The following RAPGEF2 variants were observed in gnomAD, a reference collection of about 807,000 sequenced individuals.
RAPGEF2 encodes PDZ domain containing guanine nucleotide exchange factor (GEF) 1.
RAPGEF2 carries 54 observed loss-of-function variants against 186.7 expected under a neutral mutation model. The observed-to-expected ratio is 0.29, with a 90% CI of 0.23 to 0.36. The LOEUF (loss-of-function observed/expected upper bound fraction) is 0.36, where lower values mean the gene tolerates loss of function less well. Among genes scored for constraint, RAPGEF2 ranks in the 10% least tolerant of loss-of-function variants. The pLI is 1.00. For synonymous variants in RAPGEF2, 712 were observed against 705.9 expected, an observed-to-expected ratio of 1.01 and a Z score of -0.14; for missense variants, 1,532 against 2,045.0, an observed-to-expected ratio of 0.75 and a Z score of 4.84.
chr4:159,286,560 C>T (rs1760527136), intron 7 of RAPGEF2, among the ~76,000 whole-genome samples: 1 of 152,192 alleles, frequency 6.6e-6, no homozygotes, highest in Non-Finnish European at 1.5e-5. Flanking sequence ...TGAATCTCCA[C>T]TCCCTGGAGA....
At chr4:159,113,165 C>T (rs1473540296) in intron 1 of RAPGEF2, among the ~76,000 whole-genome samples, 1 of 152,038 alleles carries the variant, frequency 6.6e-6, no homozygotes, top group Non-Finnish European at 1.5e-5. Flanking sequence ...CATGTGATAA[C>T]CAAATGTAAT....
chr4:159,261,342 G>C (rs11724890), intron 7 of RAPGEF2, among the ~76,000 whole-genome samples: 1 of 152,018 alleles, frequency 6.6e-6, no homozygotes, highest in African/African-American at 2.4e-5. Flanking sequence ...GATTACGGGC[G>C]TGAGCCACCG....
intron 4 of RAPGEF2, among the ~76,000 whole-genome samples, chr4:159,232,920 G>C (rs1752803237): frequency 6.6e-6 from 1 of 152,138 alleles, no homozygotes; most frequent in African/African-American, 2.4e-5. Context: ...AATGACTCAA[G>C]ATGCTGAGAA....
chr4:159,357,055 T>C (rs1289782913), intron 29 of RAPGEF2, among the ~76,000 whole-genome samples: 2 of 151,974 alleles, frequency 1.3e-5, no homozygotes, highest in African/African-American at 4.8e-5. Flanking sequence ...GAAATGAAAG[T>C]CTGATAAAGA....
chr4:159,121,116 G>A (rs1214424727), intron 1 of RAPGEF2, among the ~76,000 whole-genome samples: 1 of 152,130 alleles, frequency 6.6e-6, no homozygotes, highest in Non-Finnish European at 1.5e-5. Context: ...GCCTCCTAAA[G>A]TGCTGGAATT....
chr4:159,288,447 C>T (rs571321235), intron 7 of RAPGEF2, among the ~76,000 whole-genome samples: 7 of 152,206 alleles, frequency 4.6e-5, no homozygotes, highest in East Asian at 3.9e-4. Context: ...TTTTGAAAGG[C>T]GATTTTTAAG....
chr4:159,253,797 T>C (rs932907413), intron 7 of RAPGEF2, among the ~76,000 whole-genome samples: 1 of 152,042 alleles, frequency 6.6e-6, no homozygotes, highest in Admixed American at 6.5e-5. Flanking sequence ...TGAAACCCCG[T>C]CTCTGCTAAA....
rs141122773 is a variant in RAPGEF2, at chr4:159,131,469, T to C, written c.69+27238T>C. 5.2e-3 allele frequency among the ~76,000 whole-genome samples: 789 copies of C among 151,416 alleles called. 8 individuals carry two copies. The highest frequency in any genetic ancestry group is 0.018 in the African/African-American group (750 of 41,140). On this transcript the variant is annotated intron_variant, in intron 1 of 29. Coordinates refer to ENST00000691494, the MANE Select transcript of RAPGEF2 (RefSeq NM_001394067.2). ...TTGCTGATTTTGTCAGCAGATACTA[T>C]GTTAAAGACTTAAATGTATTATCTT...
intron 1 of RAPGEF2, among the ~76,000 whole-genome samples, chr4:159,165,481 A>T (rs1487823587): frequency 6.6e-6 from 1 of 152,244 alleles, no homozygotes; most frequent in African/African-American, 2.4e-5. Context: ...AAATATAATT[A>T]AATGTGTCTT....
At chr4:159,324,058 A>C (rs1450129232) in intron 11 of RAPGEF2, among the ~76,000 whole-genome samples, 1 of 151,564 alleles carries the variant, frequency 6.6e-6, no homozygotes. Flanking sequence ...CACCATGCCC[A>C]CCTAATTTTT....
At chr4:159,131,173 C>T (rs1741028467) in intron 1 of RAPGEF2, among the ~76,000 whole-genome samples, 1 of 151,972 alleles carries the variant, frequency 6.6e-6, no homozygotes, top group Non-Finnish European at 1.5e-5. Flanking sequence ...TGCAATGGCA[C>T]GATCTCGGCT....
At chr4:159,270,753 T>G (rs977452403) in intron 7 of RAPGEF2, among the ~76,000 whole-genome samples, 4 of 152,224 alleles carry the variant, frequency 2.6e-5, no homozygotes, top group African/African-American at 7.2e-5. Flanking sequence ...TCAACTTTTT[T>G]AACTAGTAAT....
Position 159,352,983 on chromosome 4 carries a change from A to G in RAPGEF2, c.4091+73A>G. ...GTTTTAATAATGAGTCTTTTCTTCC[A>G]GTGTTTGTTTTTATTTATTTTACAT... On this transcript the variant is annotated intron_variant, in intron 27 of 29. Coordinates refer to ENST00000691494, the MANE Select transcript of RAPGEF2 (RefSeq NM_001394067.2). 3 of 1,329,856 alleles carry G rather than the reference A, an allele frequency of 2.3e-6. No homozygotes were observed. The South Asian group carries it at 4.4e-5, about 19-fold the overall frequency. 82.4% of individuals were successfully genotyped at this position (1,329,856 alleles called of 1,614,324 possible).
chr4:159,113,740 CAAAAAAA>C (rs11311075), intron 1 of RAPGEF2, among the ~76,000 whole-genome samples: 9 of 86,612 alleles, frequency 1.0e-4, no homozygotes, highest in Admixed American at 1.2e-4. Context: ...GACTCTGTCT[CAAAAAAA>C]AAAAAAAAAA....
chr4:159,198,335 T>TCTTTCTTTCTTTCTTTCTTTC (rs1749018419), intron 3 of RAPGEF2, among the ~76,000 whole-genome samples: 2 of 43,616 alleles, frequency 4.6e-5, no homozygotes, highest in African/African-American at 3.6e-4. Context: ...TCTTTCTTTC[T>TCTTTCTTTCTTTCTTTCTTTC]TTTTCTTTCT....
chr4:159,352,648 A>G (rs1474500418), intron 26 of RAPGEF2, 37 bp from the exon 27 acceptor site: 2 of 1,502,886 alleles, frequency 1.3e-6, no homozygotes, highest in Non-Finnish European at 1.9e-6. Context: ...TTATAAACCT[A>G]GAGAGTCTAA....
At chr4:159,214,581 C>A (rs990952424) in intron 4 of RAPGEF2, among the ~76,000 whole-genome samples, 8 of 152,032 alleles carry the variant, frequency 5.3e-5, no homozygotes, top group African/African-American at 1.9e-4. Context: ...CTAAAATTAC[C>A]CCATTCTATG....
rs180952461 is a variant in RAPGEF2, at chr4:159,194,283, C to T, written c.197+1027C>T. 9.2e-5 allele frequency among the ~76,000 whole-genome samples: 14 copies of T among 152,186 alleles called. No homozygotes were observed. The East Asian group carries it at 1.9e-3, about 21-fold the overall frequency. On this transcript the variant is annotated intron_variant, in intron 3 of 29. Transcript: ENST00000691494. ...GTCAGGGTGGTAAGTCAGGAGAAGACGCAGTCTACAGTCATACTTGGTCAA... is the reference window on the plus strand; with the variant it reads ...GTCAGGGTGGTAAGTCAGGAGAAGATGCAGTCTACAGTCATACTTGGTCAA...
chr4:159,227,144 G>A (rs1752126591), intron 4 of RAPGEF2, among the ~76,000 whole-genome samples: 1 of 152,174 alleles, frequency 6.6e-6, no homozygotes, highest in South Asian at 2.1e-4. Context: ...TTAACATAGA[G>A]CTTTAAAGAA....
Sources: allele counts gnomAD v4.1 joint callset (sites outside exome capture counted in the v4.1 genomes callset), GRCh38; gene constraint gnomAD v4.1.1; transcripts MANE v1.5; gene names NCBI Gene and HGNC (gene_info 2026-07-23, HGNC 2026-07-21).